Variants in MAP9 observed in about 807,000 individuals in gnomAD.
The protein encoded by MAP9 is microtubule-associated protein 9.
Under a neutral mutation model 75.2 loss-of-function variants are expected in MAP9, and 80 were observed. That is an observed-to-expected ratio of 1.06 (90% confidence interval 0.89 to 1.28). The LOEUF is 1.28. MAP9 is among the 50% of genes most tolerant of loss of function. The pLI, the probability that MAP9 is intolerant of heterozygous loss-of-function variation, is 0.00. For missense variants in MAP9, 753 were observed against 719.9 expected, an observed-to-expected ratio of 1.05 and a Z score of -0.53; for synonymous variants, 235 against 237.3, an observed-to-expected ratio of 0.99 and a Z score of 0.09.
chr4:155,358,033 C>T (rs1731884702), intron 7 of MAP9, among the ~76,000 whole-genome samples: 2 of 152,142 alleles, frequency 1.3e-5, no homozygotes, highest in East Asian at 1.9e-4. Flanking sequence ...CACTAGGCAG[C>T]GATGAGGAGT....
chr4:155,369,347 A>AAC (rs1732487551), intron 4 of MAP9, among the ~76,000 whole-genome samples: 1 of 147,300 alleles, frequency 6.8e-6, no homozygotes, highest in South Asian at 2.1e-4. Flanking sequence ...AAAAAAAACC[A>AAC]AACAACAACA....
At chr4:155,369,330 A>T (rs1243166397) in intron 4 of MAP9, among the ~76,000 whole-genome samples, 14 of 43,546 alleles carry the variant, frequency 3.2e-4, no homozygotes, top group African/African-American at 2.1e-3. Context: ...AATCCATCTA[A>T]AAAAAAAAAA....
intron 2 of MAP9, among the ~76,000 whole-genome samples, 166 bp downstream of exon 2, chr4:155,375,610 G>A (rs1400302875): frequency 6.6e-6 from 1 of 152,194 alleles, no homozygotes; most frequent in East Asian, 1.9e-4. Flanking sequence ...AACCATATAG[G>A]GGAGTTTGTA....
At chr4:155,348,126 G>T (rs1353323392) in intron 13 of MAP9, among the ~76,000 whole-genome samples, 1 of 152,014 alleles carries the variant, frequency 6.6e-6, no homozygotes, top group African/African-American at 2.4e-5. Context: ...GTTTGAGCCT[G>T]GGAGTTCGAG....
At chr4:155,353,686 A>G (rs1223145082) in intron 10 of MAP9, among the ~76,000 whole-genome samples, 1 of 152,174 alleles carries the variant, frequency 6.6e-6, no homozygotes, top group African/African-American at 2.4e-5. Context: ...TAAAATTTTC[A>G]TAATAAAATA....
At position 155,375,162 on chromosome 4, in the gene MAP9, TCACTTTATGCCATGTACC is replaced by T. The variant is rs1732783027; in HGVS notation, c.76-159_76-142del. On this transcript the variant is annotated intron_variant, in intron 2 of 13. Coordinates refer to ENST00000311277, the MANE Select transcript of MAP9 (RefSeq NM_001039580.2). ...CATCTAACAAATATTTCCTGCAAGC[TCACTTTATGCCATGTACC>T]CACTTTACGCCTCATACTCAATGCA... The T allele has an allele frequency of 8.4e-6, 5 of 594,162 alleles. No individual in the cohort carries two copies. In the South Asian group the frequency reaches 1.2e-4, roughly 14 times the overall value. 36.8% of individuals were successfully genotyped at this position (594,162 alleles called of 1,614,324 possible).
intron 6 of MAP9, among the ~76,000 whole-genome samples, chr4:155,360,792 C>T (rs573208903): frequency 3.3e-5 from 5 of 152,116 alleles, no homozygotes; most frequent in African/African-American, 1.2e-4. Flanking sequence ...CAACACGCTG[C>T]ATAAGAAGGT....
chr4:155,370,668 A>G (rs1412517204), intron 4 of MAP9, among the ~76,000 whole-genome samples: 1 of 152,202 alleles, frequency 6.6e-6, no homozygotes, highest in Non-Finnish European at 1.5e-5. Flanking sequence ...TTATTGTGGT[A>G]AGAACAAACA....
chr4:155,366,520 A>G (rs952797197), intron 5 of MAP9, among the ~76,000 whole-genome samples: 1 of 152,218 alleles, frequency 6.6e-6, no homozygotes, highest in Non-Finnish European at 1.5e-5. Flanking sequence ...TTTTGCACCA[A>G]CATATGACAA....
chr4:155,350,364 CTT>C (rs1470593427), intron 13 of MAP9: 1 of 300,800 alleles, frequency 3.3e-6, no homozygotes, highest in African/African-American at 2.3e-5. Context: ...GTTATTTTGT[CTT>C]TGGTCTTTGA....
In MAP9 at chr4:155,346,201, G is replaced by GCTCA. The variant is rs1731281221; in HGVS notation, c.*1581_*1582insTGAG. ...CTGGAGTGATCATCTCAAAGCCTTT[G>GCTCA]TCACATAACTTGCTGAGTTTTCTGA... On this transcript the variant is annotated 3_prime_UTR_variant, in exon 14 of 14. Transcript: ENST00000311277. 1 of 152,106 alleles carries GCTCA rather than the reference G, an allele frequency of 6.6e-6. No individual in the cohort carries two copies. The highest frequency in any genetic ancestry group is 1.5e-5 in the Non-Finnish European group (1 of 68,020). 9.4% of individuals were successfully genotyped at this position (152,106 alleles called of 1,614,324 possible).
At chr4:155,359,713 A>G (rs1033868292) in intron 7 of MAP9, among the ~76,000 whole-genome samples, 2 of 152,060 alleles carry the variant, frequency 1.3e-5, no homozygotes, top group Admixed American at 6.6e-5. Flanking sequence ...GATGATAACC[A>G]TCTATTTTAA....
chr4:155,354,041 T>C (rs1019271910), intron 10 of MAP9, among the ~76,000 whole-genome samples: 3 of 152,104 alleles, frequency 2.0e-5, no homozygotes, highest in African/African-American at 7.2e-5. Context: ...CTCACAGAGC[T>C]ACGAAAATCA....
chr4:155,362,515 G>A (rs901371202), intron 5 of MAP9: 2 of 158,196 alleles, frequency 1.3e-5, no homozygotes, highest in African/African-American at 4.8e-5. Context: ...TTGAAGGAAA[G>A]CATAAAGAAG....
At chr4:155,360,782 C>A (rs541632678) in intron 6 of MAP9, among the ~76,000 whole-genome samples, 1 of 151,990 alleles carries the variant, frequency 6.6e-6, no homozygotes, top group Admixed American at 6.6e-5. Context: ...TTAGCTGGAA[C>A]AACACGCTGC....
chr4:155,352,322 C>T (rs879895007), intron 13 of MAP9: 3 of 295,988 alleles, frequency 1.0e-5, no homozygotes, highest in Non-Finnish European at 6.3e-6. Context: ...GAAGAATGGG[C>T]ATGAATAGTA....
rs1303819998 is a variant in MAP9, at chr4:155,357,537, C to T, written c.1051-18G>A. On this transcript the variant is annotated intron_variant, in intron 7 of 13. Coordinates refer to ENST00000311277, the MANE Select transcript of MAP9 (RefSeq NM_001039580.2). The stretch of plus-strand genomic sequence containing the variant: ...ATTGTTTTCTATTAAACAGAAAATG[C>T]CAAAGATGATTTATTCATGACAACT... 2.9e-6 allele frequency: 4 copies of T among 1,397,542 alleles called. No individual in the cohort carries two copies. The highest frequency in any genetic ancestry group is 4.0e-6 in the Non-Finnish European group (4 of 989,334). The allele number at this position is 1,397,542 out of a possible 1,614,324, so 86.6% of individuals were successfully genotyped here. A position where few individuals can be genotyped will look rare whatever the true frequency, so the allele number is the denominator to read the frequency against.
intron 10 of MAP9, 27 bp downstream of exon 10, chr4:155,355,044 C>T: frequency 9.2e-7 from 1 of 1,089,666 alleles, no homozygotes; most frequent in Non-Finnish European, 1.3e-6. Context: ...AAATCCAAAA[C>T]ATTTTTACTT....
chr4:155,356,541 T>C (rs1027633315), intron 8 of MAP9, among the ~76,000 whole-genome samples: 1 of 152,190 alleles, frequency 6.6e-6, no homozygotes, highest in African/African-American at 2.4e-5. Context: ...TAGGTTATAA[T>C]CACTCTTTTA....
Sources: allele counts gnomAD v4.1 joint callset (sites outside exome capture counted in the v4.1 genomes callset), GRCh38; gene constraint gnomAD v4.1.1; transcripts MANE v1.5; gene names NCBI Gene and HGNC (gene_info 2026-07-23, HGNC 2026-07-21).